PARD3: variants seen among roughly 807,000 people sequenced by gnomAD.
PARD3 encodes the protein partitioning defective 3 homolog.
Under a neutral mutation model 155.4 loss-of-function variants are expected in PARD3, and 75 were observed. The ratio of observed to expected loss-of-function variants is 0.48; its 90% CI spans 0.40 to 0.58. The LOEUF is 0.58. Among genes scored for constraint, PARD3 ranks in the 20% least tolerant of loss-of-function variants. The pLI is 0.00. For missense variants in PARD3, 1,642 were observed against 1,721.7 expected, an observed-to-expected ratio of 0.95 and a Z score of 0.82; for synonymous variants, 576 against 610.5, an observed-to-expected ratio of 0.94 and a Z score of 0.83.
chr10:34,172,953 T>A (rs1478467068), intron 22 of PARD3, among the ~76,000 whole-genome samples: 3 of 152,220 alleles, frequency 2.0e-5, no homozygotes, highest in Non-Finnish European at 4.4e-5. Flanking sequence ...CTACCTGCTC[T>A]GCTACTAGTT....
chr10:34,516,892 C>A, intron 3 of PARD3, 87 bp downstream of exon 3: 1 of 1,248,124 alleles, frequency 8.0e-7, no homozygotes. Context: ...ATAATTAATT[C>A]CATTTACAGG....
chr10:34,154,252 T>C (rs1260187153), intron 22 of PARD3, among the ~76,000 whole-genome samples: 1 of 152,138 alleles, frequency 6.6e-6, no homozygotes, highest in African/African-American at 2.4e-5. Flanking sequence ...GACTGGAAAG[T>C]AGAATGTGAG....
chr10:34,166,441 T>C (rs1949530820), intron 22 of PARD3, among the ~76,000 whole-genome samples: 1 of 152,078 alleles, frequency 6.6e-6, no homozygotes, highest in Admixed American at 6.6e-5. Flanking sequence ...AGTGAGATCC[T>C]GTCTCTACAA....
chr10:34,651,283 C>T (rs1485753235), intron 2 of PARD3, among the ~76,000 whole-genome samples: 9 of 152,178 alleles, frequency 5.9e-5, no homozygotes, highest in African/African-American at 1.7e-4. Flanking sequence ...ATGACACACA[C>T]GTCCTCTTAA....
intron 5 of PARD3, among the ~76,000 whole-genome samples, chr10:34,410,377 T>A (rs993009204): frequency 6.6e-6 from 1 of 152,128 alleles, no homozygotes; most frequent in East Asian, 1.9e-4. Flanking sequence ...TATCATTTTA[T>A]TGCAATCATT....
intron 1 of PARD3, among the ~76,000 whole-genome samples, chr10:34,785,928 G>A (rs1413668025): frequency 6.6e-6 from 1 of 152,184 alleles, no homozygotes; most frequent in African/African-American, 2.4e-5. Flanking sequence ...GCCTGAAAAT[G>A]TAGGACCAGT....
intron 2 of PARD3, among the ~76,000 whole-genome samples, chr10:34,683,207 G>A (rs554869543): frequency 2.0e-5 from 3 of 152,238 alleles, no homozygotes; most frequent in African/African-American, 7.2e-5. Flanking sequence ...TGGTCATAAA[G>A]ATGGAAACGA....
chr10:34,280,327 G>A (rs1347909131), intron 21 of PARD3, among the ~76,000 whole-genome samples: 1 of 152,116 alleles, frequency 6.6e-6, no homozygotes, highest in Non-Finnish European at 1.5e-5. Flanking sequence ...TGGAAAATGT[G>A]TACTTTATAG....
chr10:34,623,316 G>GACA (rs2091801304), intron 2 of PARD3, among the ~76,000 whole-genome samples: 4 of 152,268 alleles, frequency 2.6e-5, no homozygotes, highest in South Asian at 4.1e-4. Context: ...GATTTCTGCA[G>GACA]ACAAGTATTT....
At chr10:34,551,135 A>G (rs768100669) in intron 2 of PARD3, among the ~76,000 whole-genome samples, 2 of 152,212 alleles carry the variant, frequency 1.3e-5, no homozygotes, top group Non-Finnish European at 2.9e-5. Context: ...TATAGGACAC[A>G]TTGCTTGGCT....
intron 2 of PARD3, among the ~76,000 whole-genome samples, chr10:34,629,296 T>C (rs2092141289): frequency 6.6e-6 from 1 of 152,252 alleles, no homozygotes; most frequent in Non-Finnish European, 1.5e-5. Flanking sequence ...CTCACTCATC[T>C]ACACCTTAGG....
At chr10:34,575,754 G>A (rs2086832400) in intron 2 of PARD3, among the ~76,000 whole-genome samples, 1 of 152,162 alleles carries the variant, frequency 6.6e-6, no homozygotes, top group African/African-American at 2.4e-5. Flanking sequence ...AAGTTAGCTG[G>A]ACATGGTGGC....
rs544125981 is a variant in PARD3, at chr10:34,436,661, T to G, written c.714+13656A>C. The stretch of plus-strand genomic sequence containing the variant: ...GACTTATCTATAACAGGTTATTTAC[T>G]GCAGTATATTTATGCAACAGCAAAG... On this transcript the variant is annotated intron_variant, in intron 5 of 24. Transcript: ENST00000374788. Among the ~76,000 whole-genome samples, 4 of 152,384 alleles carry G rather than the reference T, an allele frequency of 2.6e-5. No individual in the cohort carries two copies. The East Asian group carries it at 7.7e-4, about 29-fold the overall frequency.
At chr10:34,358,498 T>C (rs778603615) in intron 14 of PARD3, among the ~76,000 whole-genome samples, 9 of 152,156 alleles carry the variant, frequency 5.9e-5, no homozygotes, top group Non-Finnish European at 8.8e-5. Flanking sequence ...GTATATGCTA[T>C]TGATAATCTC....
chr10:34,549,811 G>GT (rs1328693795), intron 2 of PARD3, among the ~76,000 whole-genome samples: 1 of 151,962 alleles, frequency 6.6e-6, no homozygotes, highest in Non-Finnish European at 1.5e-5. Flanking sequence ...CTCTCCCACT[G>GT]TCTCCTTCTG....
chr10:34,676,544 C>T (rs963598735), intron 2 of PARD3, among the ~76,000 whole-genome samples: 3 of 152,122 alleles, frequency 2.0e-5, no homozygotes, highest in African/African-American at 7.2e-5. Flanking sequence ...CAGCTTAGAA[C>T]TTAATAATTT....
intron 2 of PARD3, among the ~76,000 whole-genome samples, chr10:34,598,761 A>G (rs977730926): frequency 6.6e-6 from 1 of 152,180 alleles, no homozygotes; most frequent in Non-Finnish European, 1.5e-5. Flanking sequence ...AAGAGTTATA[A>G]AGAGCCTCTA....
intron 2 of PARD3, among the ~76,000 whole-genome samples, chr10:34,603,819 G>A (rs1005748660): frequency 9.9e-5 from 15 of 152,164 alleles, no homozygotes; most frequent in African/African-American, 3.6e-4. Flanking sequence ...TGGGCAGGCA[G>A]TAAGTTGGTT....
At chr10:34,320,487 A>T (rs898890344) in intron 19 of PARD3, among the ~76,000 whole-genome samples, 1 of 152,192 alleles carries the variant, frequency 6.6e-6, no homozygotes, top group Non-Finnish European at 1.5e-5. Context: ...TGGAACTATC[A>T]GTAGCGATTC....
Sources: gnomAD v4.1 joint callset for allele counts (sites outside exome capture counted in the v4.1 genomes callset) on GRCh38, gnomAD v4.1.1 for gene constraint, MANE v1.5 for transcripts, NCBI Gene and HGNC (gene_info 2026-07-23, HGNC 2026-07-21) for gene names.